Variants in CADM1 observed in about 807,000 individuals in gnomAD.
CADM1 encodes TSLC-1.
CADM1 carries 15 observed loss-of-function variants against 53.1 expected under a neutral mutation model. The ratio of observed to expected loss-of-function variants is 0.28; its 90% CI spans 0.19 to 0.44. The LOEUF (loss-of-function observed/expected upper bound fraction) is 0.44, where lower values mean the gene tolerates loss of function less well. Among genes scored for constraint, CADM1 ranks in the 20% least tolerant of loss-of-function variants. The pLI is 1.00. For missense variants in CADM1, 434 were observed against 611.3 expected (o/e 0.71, Z 3.06); for synonymous variants, 281 against 243.0 (o/e 1.16, Z -1.45).
chr11:115,310,563 TA>T (rs1273874361), intron 1 of CADM1, among the ~76,000 whole-genome samples: 1 of 152,156 alleles, frequency 6.6e-6, no homozygotes, highest in Non-Finnish European at 1.5e-5. Context: ...ATTGTAAAAT[TA>T]AGACAGATTT....
chr11:115,177,295 C>T (rs1177678588), intron 11 of CADM1, among the ~76,000 whole-genome samples: 1 of 152,222 alleles, frequency 6.6e-6, no homozygotes, highest in Non-Finnish European at 1.5e-5. Context: ...CTAATTGGCA[C>T]AGCCACTTTA....
chr11:115,430,239 TCTC>T (rs1314344545), intron 1 of CADM1, among the ~76,000 whole-genome samples: 4 of 152,328 alleles, frequency 2.6e-5, no homozygotes, highest in Admixed American at 6.5e-5. Context: ...ACTTTCTCAT[TCTC>T]CTCCAGCCAT....
rs149488746 is a variant in CADM1 at position 115,502,060 on chromosome 11, G to A, written c.124+2211C>T. 3.3e-5 allele frequency among the ~76,000 whole-genome samples: 5 copies of A among 152,220 alleles called. No homozygotes were observed. The East Asian group carries it at 9.7e-4, about 29-fold the overall frequency. ...GCAAGAAGCTGCTTCCATGGTAACT[G>A]GCAACAGAATTTTCATGTAGCTTTG... On this transcript the variant is annotated intron_variant, in intron 1 of 11. Transcript: ENST00000331581.
At chr11:115,471,960 G>A (rs1949022150) in intron 1 of CADM1, among the ~76,000 whole-genome samples, 2 of 152,130 alleles carry the variant, frequency 1.3e-5, no homozygotes, top group Non-Finnish European at 1.5e-5. Flanking sequence ...GGAGGAAGAA[G>A]AGGGCAAGGG....
intron 1 of CADM1, among the ~76,000 whole-genome samples, chr11:115,346,069 C>T (rs767559767): frequency 3.3e-5 from 5 of 149,548 alleles, no homozygotes; most frequent in Non-Finnish European, 5.9e-5. Context: ...CTTCTGCTCA[C>T]GTGAATCATA....
chr11:115,197,820 G>C (rs1405729115), intron 9 of CADM1, among the ~76,000 whole-genome samples: 3 of 152,194 alleles, frequency 2.0e-5, no homozygotes, highest in South Asian at 2.1e-4. Flanking sequence ...TGAACACATA[G>C]AGATTAGGAG....
At chr11:115,394,861 A>G (rs2027900) in intron 1 of CADM1, among the ~76,000 whole-genome samples, 1 of 152,194 alleles carries the variant, frequency 6.6e-6, no homozygotes, top group Non-Finnish European at 1.5e-5. Flanking sequence ...AAATAAAAAA[A>G]CAAAACAAAA....
In CADM1 at chr11:115,297,519, C is replaced by T. The variant is rs140982543; in HGVS notation, c.125-57099G>A. ...AGATCCACTGCCAGCTAGTCAAAGC[C>T]GCTTGGCATTTTTTCCTGTTGATTA... is the stretch of plus-strand genomic sequence containing the variant. On this transcript the variant is annotated intron_variant, in intron 1 of 11. Transcript: ENST00000331581. Among the ~76,000 whole-genome samples the T allele has an allele frequency of 7.5e-3, 1,141 of 152,298 alleles. 18 individuals carry two copies. Among genetic ancestry groups the T allele is most frequent in the African/African-American group, 0.026 (1,097 of 41,548 alleles).
intron 10 of CADM1, among the ~76,000 whole-genome samples, chr11:115,181,205 A>C (rs1939296664): frequency 6.6e-6 from 1 of 152,064 alleles, no homozygotes; most frequent in South Asian, 2.1e-4. Flanking sequence ...AGGCTCTGTG[A>C]CAAAGAAAAA....
intron 1 of CADM1, among the ~76,000 whole-genome samples, chr11:115,356,697 A>AC (rs1945880637): frequency 1.3e-5 from 2 of 152,344 alleles, no homozygotes; most frequent in East Asian, 3.9e-4. Flanking sequence ...TGTGACCTCT[A>AC]CCTAATAGTA....
Position 115,349,961 on chromosome 11 carries a change from CTTTG to C in CADM1, c.125-109545_125-109542del, listed in dbSNP as rs1047244469. ...TGTTTCATAGCCTTACCATCTTTTT[CTTTG>C]TTTGTTTTGTTTTTTGTTTTTTTGA... On this transcript the variant is annotated intron_variant, in intron 1 of 11. Transcript: ENST00000331581. Among the ~76,000 whole-genome samples the C allele has an allele frequency of 5.9e-5, 9 of 152,130 alleles. No homozygotes were observed. In the South Asian group the frequency reaches 1.0e-3, roughly 18 times the overall value.
chr11:115,426,245 G>A lies in CADM1; in HGVS notation c.124+78026C>T, dbSNP rs549180952. Among the ~76,000 whole-genome samples the A allele has an allele frequency of 2.6e-5, 4 of 152,212 alleles. No individual in the cohort carries two copies. In the South Asian group the frequency reaches 6.2e-4, roughly 24 times the overall value. On this transcript the variant is annotated intron_variant, in intron 1 of 11. Transcript: ENST00000331581. ...AATGTTATATCGCCTCTTGCCAGTG[G>A]GTTAAAATGATCTCTCTCACAGATG... is the stretch of plus-strand genomic sequence containing the variant.
chr11:115,240,786 CT>C (rs1171346996), intron 1 of CADM1: 1 of 283,950 alleles, frequency 3.5e-6, no homozygotes, highest in East Asian at 8.4e-5. Context: ...ACACAGCCAA[CT>C]TTAGCTTACC....
At chr11:115,415,468 G>C (rs939209917) in intron 1 of CADM1, among the ~76,000 whole-genome samples, 1 of 152,092 alleles carries the variant, frequency 6.6e-6, no homozygotes, top group Non-Finnish European at 1.5e-5. Context: ...CAAAAGTTAA[G>C]AGAAGACATA....
chr11:115,336,941 AC>A (rs1186951720), intron 1 of CADM1, among the ~76,000 whole-genome samples: 5 of 152,178 alleles, frequency 3.3e-5, no homozygotes, highest in Non-Finnish European at 4.4e-5. Context: ...ATTTGTAAGA[AC>A]TTTACATAAA....
At chr11:115,326,678 A>G (rs111541211) in intron 1 of CADM1, among the ~76,000 whole-genome samples, 108 of 152,314 alleles carry the variant, frequency 7.1e-4, no homozygotes, top group African/African-American at 2.4e-3. Flanking sequence ...ATATCTGCAC[A>G]TTTAGTACTA....
intron 1 of CADM1, among the ~76,000 whole-genome samples, chr11:115,285,256 C>T (rs1378748965): frequency 2.0e-5 from 3 of 152,176 alleles, no homozygotes; most frequent in Non-Finnish European, 4.4e-5. Context: ...CACATTCACA[C>T]TGAAAACAAT....
chr11:115,194,328 AC>A (rs1457902920), intron 9 of CADM1, among the ~76,000 whole-genome samples: 1 of 152,238 alleles, frequency 6.6e-6, no homozygotes, highest in Non-Finnish European at 1.5e-5. Context: ...AGAAAATTGT[AC>A]GTGCTTTTAG....
At chr11:115,251,600 T>C (rs139477397) in intron 1 of CADM1, among the ~76,000 whole-genome samples, 134 of 152,302 alleles carry the variant, frequency 8.8e-4, no homozygotes, top group African/African-American at 3.0e-3. Context: ...CCACATCTCC[T>C]ACCAGGAAGC....
Sources: allele counts gnomAD v4.1 joint callset (sites outside exome capture counted in the v4.1 genomes callset), GRCh38; gene constraint gnomAD v4.1.1; transcripts MANE v1.5; gene names NCBI Gene and HGNC (gene_info 2026-07-23, HGNC 2026-07-21).